The following RGS17 variants were observed in gnomAD, a reference collection of about 807,000 sequenced individuals.
The protein encoded by RGS17 is regulator of G-protein signaling 17.
Under a neutral mutation model 25.5 loss-of-function variants are expected in RGS17, and 12 were observed. That is an observed-to-expected ratio of 0.47 (90% CI 0.30 to 0.76). RGS17 has a LOEUF of 0.76. Among genes scored for constraint, RGS17 ranks in the 30% least tolerant of loss-of-function variants. RGS17 has a pLI of 0.07. For synonymous variants in RGS17, 71 were observed against 76.9 expected (o/e 0.92, Z 0.40); for missense variants, 196 against 242.2 (o/e 0.81, Z 1.27).
At chr6:153,125,758 C>T (rs1422232273) in intron 1 of RGS17, among the ~76,000 whole-genome samples, 1 of 152,130 alleles carries the variant, frequency 6.6e-6, no homozygotes, top group East Asian at 1.9e-4. Context: ...GTGGCAAGAT[C>T]ACCTGAGCCC....
At chr6:153,065,395 C>A (rs1776693203) in intron 1 of RGS17, among the ~76,000 whole-genome samples, 1 of 152,174 alleles carries the variant, frequency 6.6e-6, no homozygotes. Flanking sequence ...GATAAGTCTT[C>A]CAGACAGAAA....
At chr6:153,053,918 TA>T (rs1776497259) in intron 1 of RGS17, among the ~76,000 whole-genome samples, 1 of 66,682 alleles carries the variant, frequency 1.5e-5, no homozygotes, top group Non-Finnish European at 2.5e-5. Flanking sequence ...ACACATTATA[TA>T]TATATGTATA....
intron 1 of RGS17, among the ~76,000 whole-genome samples, chr6:153,121,266 T>C (rs1777627381): frequency 6.6e-6 from 1 of 152,214 alleles, no homozygotes; most frequent in Non-Finnish European, 1.5e-5. Flanking sequence ...AAGACTTTTC[T>C]CTCTTTCCTT....
chr6:153,023,290 G>A (rs1208525508), intron 4 of RGS17: 1 of 444,068 alleles, frequency 2.3e-6, no homozygotes, highest in Admixed American at 2.2e-5. Context: ...CACAAGAGAG[G>A]GGCATGCCAT....
chr6:153,117,876 G>A (rs1362451404), intron 1 of RGS17, among the ~76,000 whole-genome samples: 2 of 152,180 alleles, frequency 1.3e-5, no homozygotes, highest in Non-Finnish European at 2.9e-5. Context: ...TGGAATGAGG[G>A]AGACTAATAA....
At chr6:153,081,727 A>T (rs1057446913) in intron 1 of RGS17, among the ~76,000 whole-genome samples, 19 of 152,012 alleles carry the variant, frequency 1.2e-4, no homozygotes, top group Non-Finnish European at 1.9e-4. Flanking sequence ...CATGTTATTA[A>T]TCCTACAATA....
intron 1 of RGS17, among the ~76,000 whole-genome samples, chr6:153,105,259 A>G (rs1777362071): frequency 6.6e-6 from 1 of 152,092 alleles, no homozygotes; most frequent in Admixed American, 6.6e-5. Flanking sequence ...CCTGCCATGT[A>G]GTTGTTGTTC....
intron 1 of RGS17, among the ~76,000 whole-genome samples, chr6:153,112,338 A>G (rs913730127): frequency 1.1e-4 from 17 of 152,222 alleles, no homozygotes; most frequent in Non-Finnish European, 1.6e-4. Flanking sequence ...TTGAAGATCA[A>G]CTTAATGAAA....
chr6:153,019,544 CT>C (rs1294780586), intron 4 of RGS17, among the ~76,000 whole-genome samples: 2 of 152,136 alleles, frequency 1.3e-5, no homozygotes, highest in Non-Finnish European at 2.9e-5. Flanking sequence ...GGGCAGATTT[CT>C]CATGAATGCT....
chr6:153,091,291 G>C (rs545199881), intron 1 of RGS17, among the ~76,000 whole-genome samples: 1 of 152,166 alleles, frequency 6.6e-6, no homozygotes, highest in Non-Finnish European at 1.5e-5. Context: ...GGTTTCCTGA[G>C]ATGTTGCATT....
intron 1 of RGS17, among the ~76,000 whole-genome samples, chr6:153,054,630 A>C (rs1444500746): frequency 6.7e-6 from 1 of 150,150 alleles, no homozygotes; most frequent in Non-Finnish European, 1.5e-5. Flanking sequence ...CAGCCTGGGC[A>C]ACAGTGCATG....
intron 1 of RGS17, among the ~76,000 whole-genome samples, chr6:153,091,909 C>T (rs1777138507): frequency 6.6e-6 from 1 of 152,146 alleles, no homozygotes; most frequent in South Asian, 2.1e-4. Flanking sequence ...AAACAAGAAT[C>T]TCAATTTTTA....
rs906093511 is a variant in RGS17 at position 153,008,681 on chromosome 6, C to G, written c.*2893G>C. The G allele has an allele frequency of 7.2e-5, 11 of 152,088 alleles. No individual in the cohort carries two copies. Among genetic ancestry groups the G allele is most frequent in the African/African-American group, 2.7e-4 (11 of 41,418 alleles). The allele number at this position is 152,088 out of a possible 1,614,324, so 9.4% of individuals were successfully genotyped here. ...AAATTCTAATAGTATACAAAGATAC[C>G]TTGGCAATTGAAAACACAAAGTGTC... On this transcript the variant is annotated 3_prime_UTR_variant, in exon 5 of 5. Coordinates refer to ENST00000206262, the MANE Select transcript of RGS17 (RefSeq NM_012419.5).
At chr6:153,017,323 G>A (rs1329787712) in intron 4 of RGS17, among the ~76,000 whole-genome samples, 1 of 152,116 alleles carries the variant, frequency 6.6e-6, no homozygotes. Context: ...ACAGGGAGCA[G>A]GAGACAGGGA....
chr6:153,081,465 T>C (rs1018338757), intron 1 of RGS17, among the ~76,000 whole-genome samples: 1 of 151,842 alleles, frequency 6.6e-6, no homozygotes, highest in African/African-American at 2.4e-5. Context: ...TACCTTATAT[T>C]TTAAGTGAGT....
chr6:153,032,077 T>C (rs1410270151), intron 2 of RGS17, among the ~76,000 whole-genome samples: 1 of 152,060 alleles, frequency 6.6e-6, no homozygotes, highest in East Asian at 1.9e-4. Flanking sequence ...AACTGATGTT[T>C]CACTTACAAA....
At chr6:153,054,066 ACATATATATATACACACAATATTTTT>A (rs1776514143) in intron 1 of RGS17, among the ~76,000 whole-genome samples, 1 of 65,026 alleles carries the variant, frequency 1.5e-5, no homozygotes, top group African/African-American at 7.8e-5. Context: ...TAATATATAT[ACATATATATATACACACAATATTTTT>A]TATATATATA....
intron 1 of RGS17, among the ~76,000 whole-genome samples, chr6:153,092,782 A>C (rs1456275986): frequency 6.6e-6 from 1 of 152,202 alleles, no homozygotes; most frequent in Non-Finnish European, 1.5e-5. Context: ...TTGTAACTTA[A>C]GTGCGTTTTG....
At chr6:153,058,656 C>T (rs1311749822) in intron 1 of RGS17, among the ~76,000 whole-genome samples, 2 of 152,176 alleles carry the variant, frequency 1.3e-5, no homozygotes, top group African/African-American at 4.8e-5. Context: ...CTGGGGTGGA[C>T]AAGGAAGCAA....
Sources: gnomAD v4.1 joint callset for allele counts (sites outside exome capture counted in the v4.1 genomes callset) on GRCh38, gnomAD v4.1.1 for gene constraint, MANE v1.5 for transcripts, NCBI Gene and HGNC (gene_info 2026-07-23, HGNC 2026-07-21) for gene names.